The following UTS2R variants were observed in gnomAD, a reference collection of about 807,000 sequenced individuals.
The protein encoded by UTS2R is urotensin-2 receptor.
For missense variants in UTS2R, 653 were observed against 562.2 expected, an observed-to-expected ratio of 1.16 and a Z score of -1.63; for synonymous variants, 335 against 280.9, an observed-to-expected ratio of 1.19 and a Z score of -1.93.
rs1379605472 is a variant in UTS2R at position 82,376,986 on chromosome 17, G to A, written c.*1492G>A. On this transcript the variant is annotated 3_prime_UTR_variant, in exon 3 of 3. Transcript: ENST00000313135. ...GTGTGCCCAGCAGCTCATTGAGAAC[G>A]GGCCATGATGACAATGGCGGTTTTG... 4.6e-5 allele frequency among the ~76,000 whole-genome samples: 7 copies of A among 152,364 alleles called. No homozygotes were observed. Among genetic ancestry groups the A allele is most frequent in the South Asian group, 2.1e-4 (1 of 4,830 alleles).
At chr17:82,374,100 G>C in intron 2 of UTS2R, 143 bp from the exon 3 acceptor site, 1 of 531,616 alleles carries the variant, frequency 1.9e-6, no homozygotes, top group Middle Eastern at 4.9e-4. Context: ...TGGCTCTTGA[G>C]TCCTCCTGCA....
rs186159903 is a variant in UTS2R, at chr17:82,376,940, G to A, written c.*1446G>A. On this transcript the variant is annotated 3_prime_UTR_variant, in exon 3 of 3. Transcript: ENST00000313135. The stretch of plus-strand genomic sequence containing the variant: ...TGGGAAGTGAGGAGCCCCTCTGCCC[G>A]GCCACCACCCCGTCTGGGAGGTGTG... 0.032 allele frequency among the ~76,000 whole-genome samples: 4,878 copies of A among 152,242 alleles called. 95 individuals are homozygous for A. Among genetic ancestry groups the A allele is most frequent in the Non-Finnish European group, 0.043 (2,937 of 68,020 alleles).
Position 82,372,081 on chromosome 17 carries a change from G to A in UTS2R, c.-269+34G>A, listed in dbSNP as rs2052455434. Reference sequence around the variant, plus strand: ...TCGGTGGGTGACCGGGAGCGCGCGGGGACTGCCGGGTCTGTGCCCTTCGGG... The same window carrying A: ...TCGGTGGGTGACCGGGAGCGCGCGGAGACTGCCGGGTCTGTGCCCTTCGGG... On this transcript the variant is annotated intron_variant, in intron 1 of 2. Coordinates refer to ENST00000313135, the MANE Select transcript of UTS2R (RefSeq NM_018949.3). Among the ~76,000 whole-genome samples, 3 of 152,270 alleles carry A rather than the reference G, an allele frequency of 2.0e-5. No individual in the cohort carries two copies. In the South Asian group the frequency reaches 6.2e-4, roughly 32 times the overall value.
In UTS2R at chr17:82,376,107, G is replaced by T; in HGVS notation, c.*613G>T. Among the ~76,000 whole-genome samples the T allele has an allele frequency of 6.6e-6, 1 of 152,218 alleles. No individual in the cohort carries two copies. The highest frequency in any genetic ancestry group is 1.9e-4 in the East Asian group (1 of 5,200). ...GTGGCCAGGAGGGGAGGCTCCAGCT[G>T]AGGGGTGGAGCAGGGAAGGCACTGC... On this transcript the variant is annotated 3_prime_UTR_variant, in exon 3 of 3. Transcript: ENST00000313135.
In UTS2R at chr17:82,375,184, C is replaced by T. The variant is rs1428875736; in HGVS notation, c.860C>T (p.Pro287Leu). ...CTGCTCGCCCAGTACCACCAGGCCC[C>T]GCTGGCGCCGCGGACGGCGCGCATC... The part of the protein sequence containing the change: ...WQLLAQYHQA[P>L]LAPRTARIVN... The change falls in exon 3 of 3, where the codon CCG (proline) becomes CTG (leucine). Residue 287 changes from proline to leucine, a missense_variant. Physicochemically the swap from Pro to Leu is moderately conservative, Grantham distance 98. Transcript: ENST00000313135. The T allele has an allele frequency of 3.9e-6, 6 of 1,555,722 alleles. No individual in the cohort carries two copies. Among genetic ancestry groups the T allele is most frequent in the Non-Finnish European group, 5.2e-6 (6 of 1,151,866 alleles).
At position 82,376,636 on chromosome 17, in the gene UTS2R, C is replaced by T. The variant is rs2143120487; in HGVS notation, c.*1142C>T. ...GGAAGAGGGGCAATGCTTGCAGCTC[C>T]CCCCTGGAGTTACGAAAGTGCTCTG... On this transcript the variant is annotated 3_prime_UTR_variant, in exon 3 of 3. Transcript: ENST00000313135. Among the ~76,000 whole-genome samples the T allele has an allele frequency of 6.6e-6, 1 of 152,370 alleles. No homozygotes were observed. Among genetic ancestry groups the T allele is most frequent in the South Asian group, 2.1e-4 (1 of 4,832 alleles).
In UTS2R at chr17:82,375,121, T is replaced by A; in HGVS notation, c.797T>A (p.Leu266His). ...CGCCTGGTGCTGGGCATCGTGCTGC[T>A]CTTCTGGGCCTGCTTCCTGCCCTTC... ...ALRLVLGIVL[L>H]FWACFLPFWL... Residue 266 changes from leucine (L) to histidine (H), a missense_variant, in exon 3 of 3, where the codon CTC (leucine) becomes CAC (histidine). Transcript: ENST00000313135. 2.0e-6 allele frequency: 3 copies of A among 1,510,820 alleles called. No homozygotes were observed. In the East Asian group the frequency reaches 8.2e-5, roughly 42 times the overall value. The allele number at this position is 1,510,820 out of a possible 1,614,324, so 93.6% of individuals were successfully genotyped here.
chr17:82,374,749 C>T lies in UTS2R; in HGVS notation c.425C>T (p.Thr142Ile), dbSNP rs372465896. Residue 142 changes from threonine to isoleucine, a missense_variant, in exon 3 of 3, where the codon ACC (threonine) becomes ATC (isoleucine). Physicochemically the swap from Thr to Ile is moderately conservative, Grantham distance 89. Transcript: ENST00000313135. Reference protein sequence around the residue: ...LTMHASIFTLTVMSSERYAAV... With the variant: ...LTMHASIFTLIVMSSERYAAV... Reference sequence around the variant, plus strand: ...ATGCACGCCAGCATCTTCACGCTGACCGTCATGAGCAGCGAGCGCTACGCT... The same window carrying T: ...ATGCACGCCAGCATCTTCACGCTGATCGTCATGAGCAGCGAGCGCTACGCT... 1 of 1,610,850 alleles carries T rather than the reference C, an allele frequency of 6.2e-7. No homozygotes were observed.
chr17:82,372,012 GGC>G lies in UTS2R; in HGVS notation c.-302_-301del, dbSNP rs1269390905. Among the ~76,000 whole-genome samples the G allele has an allele frequency of 2.6e-5, 4 of 152,056 alleles. No individual in the cohort carries two copies. Among genetic ancestry groups the G allele is most frequent in the African/African-American group, 7.2e-5 (3 of 41,410 alleles). On this transcript the variant is annotated 5_prime_UTR_variant, in exon 1 of 3. Transcript: ENST00000313135. ...TGCCCCCACGCGCGACCCCAGGCTC[GGC>G]GGGCAGGTCTGGCCGCTCAGTGACC...
Position 82,371,773 on chromosome 17 carries a change from AG to A in UTS2R, c.-542del, listed in dbSNP as rs1012846159. Among the ~76,000 whole-genome samples, 7 of 151,158 alleles carry A rather than the reference AG, an allele frequency of 4.6e-5. No individual in the cohort carries two copies. Among genetic ancestry groups the A allele is most frequent in the African/African-American group, 1.7e-4 (7 of 41,208 alleles). On this transcript the variant is annotated 5_prime_UTR_variant, in exon 1 of 3. Transcript: ENST00000313135. The surrounding 1 kb of genome is among the most constrained non-coding windows in gnomAD (Gnocchi z 6.3). ...CTGGCGCGGGGCGCGGCGCATTCCC[AG>A]CTGGCGGCGGGCAGGTGGCGGCGGC... is the stretch of plus-strand genomic sequence containing the variant.
Position 82,375,420 on chromosome 17 carries a change from C to A in UTS2R, c.1096C>A (p.Pro366Thr). The change falls in exon 3 of 3, where the codon CCC becomes ACC. Residue 366 changes from proline (P) to threonine (T), a missense_variant. Physicochemically the swap from Pro to Thr is conservative, Grantham distance 38 (BLOSUM62 -1). Transcript: ENST00000313135. ...GRSLSSCSPQPTDSLVLAPAA... is the reference protein window; with the variant it reads ...GRSLSSCSPQTTDSLVLAPAA... ...CTCCCTGTCTTCCTGCAGCCCACAG[C>A]CCACTGACAGCCTCGTGCTGGCCCC... 1 of 1,573,212 alleles carries A rather than the reference C, an allele frequency of 6.4e-7. No homozygotes were observed.
rs1435065110 is a variant in UTS2R, at chr17:82,375,881, A to G, written c.*387A>G. ...CCCTTGTGGCTTTGCCACTGGAACA[A>G]TCAACCCTGAGCTGGCTTCCGTGTC... is the stretch of plus-strand genomic sequence containing the variant. On this transcript the variant is annotated 3_prime_UTR_variant, in exon 3 of 3. Coordinates refer to ENST00000313135, the MANE Select transcript of UTS2R (RefSeq NM_018949.3). 6.6e-6 allele frequency among the ~76,000 whole-genome samples: 1 copy of G among 152,220 alleles called. No homozygotes were observed.
At position 82,376,784 on chromosome 17, in the gene UTS2R, G is replaced by T. The variant is rs1219283826; in HGVS notation, c.*1290G>T. On this transcript the variant is annotated 3_prime_UTR_variant, in exon 3 of 3. Transcript: ENST00000313135. ...CAAAAGGATCCCACTCCCCGACCTT[G>T]TCCCTCTGTTAAAATTGAAAGAGAC... Among the ~76,000 whole-genome samples, 1 of 152,350 alleles carries T rather than the reference G, an allele frequency of 6.6e-6. No homozygotes were observed. The highest frequency in any genetic ancestry group is 1.5e-5 in the Non-Finnish European group (1 of 68,034).
rs1263327795 is a variant in UTS2R at position 82,375,788 on chromosome 17, C to T, written c.*294C>T. 6.6e-6 allele frequency among the ~76,000 whole-genome samples: 1 copy of T among 152,320 alleles called. No homozygotes were observed. The highest frequency in any genetic ancestry group is 1.9e-4 in the East Asian group (1 of 5,182). ...CGTGTGGAGACCATGGCGCGGCTGC[C>T]GCCCCCGGGACCCTCCTCCTCTCAG... On this transcript the variant is annotated 3_prime_UTR_variant, in exon 3 of 3. Coordinates refer to ENST00000313135, the MANE Select transcript of UTS2R (RefSeq NM_018949.3).
intron 2 of UTS2R, among the ~76,000 whole-genome samples, chr17:82,373,943 C>CTCTG (rs1041048569): frequency 1.3e-5 from 2 of 152,314 alleles, no homozygotes; most frequent in African/African-American, 2.4e-5. Context: ...CACTGCCGAC[C>CTCTG]TCTGCCCCAG....
chr17:82,374,627 G>A lies in UTS2R; in HGVS notation c.303G>A (p.Leu101=), dbSNP rs151272358. The A allele has an allele frequency of 9.9e-6, 16 of 1,612,572 alleles. No homozygotes were observed. In the African/African-American group the frequency reaches 1.9e-4, roughly 19 times the overall value. The change falls in exon 3 of 3, where the codon CTG becomes CTA. Residue 101 remains leucine, a synonymous_variant. Transcript: ENST00000313135. The part of the protein sequence containing the change: ...VNLALADLLY[L]LSIPFIVATY... The stretch of plus-strand genomic sequence containing the variant: ...TGGCGCTGGCCGACCTGCTGTACCT[G>A]CTCAGCATCCCCTTCATCGTGGCCA...
In UTS2R at chr17:82,375,303, C is replaced by T; in HGVS notation, c.979C>T (p.Arg327Cys). The change falls in exon 3 of 3, where the codon CGC becomes TGC. Residue 327 changes from arginine to cysteine, a missense_variant. Physicochemically the swap from Arg to Cys is radical, Grantham distance 180 (BLOSUM62 -3). Transcript: ENST00000313135. ...LLTRNYRDHLRGRVRGPGSGG... is the reference protein window; with the variant it reads ...LLTRNYRDHLCGRVRGPGSGG... ...CACCAGGAACTACCGCGACCACCTG[C>T]GCGGCCGCGTGCGGGGCCCGGGCAG... The T allele has an allele frequency of 6.5e-7, 1 of 1,549,240 alleles. No individual in the cohort carries two copies. Among genetic ancestry groups the T allele is most frequent in the South Asian group, 1.2e-5 (1 of 83,742 alleles).
Position 82,376,102 on chromosome 17 carries a change from C to T in UTS2R, c.*608C>T, listed in dbSNP as rs574504948. 2.6e-4 allele frequency among the ~76,000 whole-genome samples: 40 copies of T among 152,306 alleles called. 2 individuals are homozygous for T. Among genetic ancestry groups the T allele is most frequent in the Non-Finnish European group, 2.9e-5 (2 of 68,012 alleles). On this transcript the variant is annotated 3_prime_UTR_variant, in exon 3 of 3. Transcript: ENST00000313135. ...GGAAGGTGGCCAGGAGGGGAGGCTCCAGCTGAGGGGTGGAGCAGGGAAGGC... is the reference window on the plus strand; with the variant it reads ...GGAAGGTGGCCAGGAGGGGAGGCTCTAGCTGAGGGGTGGAGCAGGGAAGGC...
In UTS2R at chr17:82,376,917, G is replaced by A. The variant is rs975121299; in HGVS notation, c.*1423G>A. Among the ~76,000 whole-genome samples, 3 of 152,120 alleles carry A rather than the reference G, an allele frequency of 2.0e-5. No homozygotes were observed. In the South Asian group the frequency reaches 6.2e-4, roughly 32 times the overall value. ...CGCCTCTGCCCGGCCACCCCTACTG[G>A]GAAGTGAGGAGCCCCTCTGCCCGGC... On this transcript the variant is annotated 3_prime_UTR_variant, in exon 3 of 3. Transcript: ENST00000313135.
Sources: gnomAD v4.1 joint callset for allele counts (sites outside exome capture counted in the v4.1 genomes callset) on GRCh38, gnomAD v4.1.1 for gene constraint, Gnocchi (gnomAD v3.1) non-coding constraint, MANE v1.5 for transcripts, NCBI Gene and HGNC (gene_info 2026-07-23, HGNC 2026-07-21) for gene names.